RBMS1: variants seen among roughly 807,000 people sequenced by gnomAD.
The protein encoded by RBMS1 is RNA-binding motif, single-stranded-interacting protein 1.
Under a neutral mutation model 62.3 loss-of-function variants are expected in RBMS1, and 17 were observed. The observed-to-expected ratio is 0.27, with a 90% CI of 0.19 to 0.41. The LOEUF (loss-of-function observed/expected upper bound fraction) is 0.41. Ranked by LOEUF, RBMS1 falls within the 10% of genes least tolerant of loss-of-function variation. RBMS1 has a pLI of 1.00. For missense variants in RBMS1, 334 were observed against 504.5 expected (o/e 0.66, Z 3.24); for synonymous variants, 172 against 170.0 (o/e 1.01, Z -0.09).
intron 1 of RBMS1, among the ~76,000 whole-genome samples, chr2:160,479,687 GCTTCTGTCTCTA>G (rs1386522760): frequency 9.9e-5 from 15 of 152,124 alleles, no homozygotes; most frequent in African/African-American, 3.6e-4. Flanking sequence ...CTAGAGCTCT[GCTTCTGTCTCTA>G]CACTCTGGGT....
intron 1 of RBMS1, among the ~76,000 whole-genome samples, chr2:160,454,752 T>C (rs1418556964): frequency 1.3e-5 from 2 of 152,138 alleles, no homozygotes; most frequent in Non-Finnish European, 2.9e-5. Flanking sequence ...AGTAAGTCAC[T>C]AAGGGTTTTA....
chr2:160,472,280 A>C (rs1451637712), intron 1 of RBMS1, among the ~76,000 whole-genome samples: 1 of 152,220 alleles, frequency 6.6e-6, no homozygotes, highest in African/African-American at 2.4e-5. Context: ...GAAAACTTCA[A>C]TAAAAACCCA....
At chr2:160,367,166 G>T in intron 2 of RBMS1, 50 bp downstream of exon 2, 1 of 1,556,254 alleles carries the variant, frequency 6.4e-7, no homozygotes, top group South Asian at 1.1e-5. Context: ...TCTATAATAT[G>T]ATCAAGAAAA....
chr2:160,287,730 G>T (rs1266247140), intron 6 of RBMS1, among the ~76,000 whole-genome samples: 2 of 152,160 alleles, frequency 1.3e-5, no homozygotes, highest in African/African-American at 4.8e-5. Context: ...TTGCATCAGT[G>T]AATGAATAGA....
rs929526663 is a variant in RBMS1, at chr2:160,272,635, G to A, written c.*2137C>T. ...AATGCAAAAATATCAAGTAGTGAGA[G>A]ACCCAGGTTTATAACTGTACTAGGT... On this transcript the variant is annotated 3_prime_UTR_variant, in exon 14 of 14. Transcript: ENST00000348849. 1.6e-4 allele frequency: 24 copies of A among 152,082 alleles called. No homozygotes were observed. Among genetic ancestry groups the A allele is most frequent in the African/African-American group, 5.6e-4 (23 of 41,386 alleles). 9.4% of individuals were successfully genotyped at this position (152,082 alleles called of 1,614,324 possible). A position where few individuals can be genotyped will look rare whatever the true frequency, so the allele number is the denominator to read the frequency against.
chr2:160,394,108 C>T (rs1559496602), intron 1 of RBMS1, among the ~76,000 whole-genome samples: 1 of 152,218 alleles, frequency 6.6e-6, no homozygotes, highest in Non-Finnish European at 1.5e-5. Context: ...GACAGACTTC[C>T]ACCCACTTTT....
chr2:160,309,912 G>A (rs894555623), intron 4 of RBMS1, among the ~76,000 whole-genome samples: 5 of 152,142 alleles, frequency 3.3e-5, no homozygotes, highest in African/African-American at 9.7e-5. Flanking sequence ...ACCTAATCCA[G>A]GGAAGGGAGA....
intron 1 of RBMS1, chr2:160,407,700 A>C: frequency 1.0e-6 from 1 of 981,276 alleles, no homozygotes; most frequent in Non-Finnish European, 1.2e-6. Context: ...CTCCGCGCTG[A>C]CTTCCCCTCC....
intron 6 of RBMS1, among the ~76,000 whole-genome samples, chr2:160,299,166 T>A (rs1433923655): frequency 1.3e-5 from 2 of 151,854 alleles, no homozygotes; most frequent in African/African-American, 4.8e-5. Flanking sequence ...GAATGTCAGA[T>A]TGGAGAGAGT....
intron 6 of RBMS1, among the ~76,000 whole-genome samples, chr2:160,288,060 T>G (rs62175442): frequency 6.9e-6 from 1 of 145,650 alleles, no homozygotes; most frequent in Non-Finnish European, 1.5e-5. Context: ...AAAAAAAAAG[T>G]CTACAGACAG....
intron 1 of RBMS1, among the ~76,000 whole-genome samples, chr2:160,447,409 G>T (rs1377028664): frequency 6.6e-6 from 1 of 152,098 alleles, no homozygotes; most frequent in East Asian, 1.9e-4. Flanking sequence ...ATGAAACAGG[G>T]TTGCTAAATT....
rs1315446169 is a variant in RBMS1 at position 160,272,164 on chromosome 2, G to GT, written c.*2607dup. 1.3e-5 allele frequency: 2 copies of GT among 152,112 alleles called. No individual in the cohort carries two copies. Among genetic ancestry groups the GT allele is most frequent in the Non-Finnish European group, 2.9e-5 (2 of 68,010 alleles). 9.4% of individuals were successfully genotyped at this position (152,112 alleles called of 1,614,324 possible). A position where few individuals can be genotyped will look rare whatever the true frequency, so the allele number is the denominator to read the frequency against. ...TGACAGGAAAAATAAAATTTCAGAT[G>GT]TTTTTTATTCAAAGGTTCTCAAAAG... On this transcript the variant is annotated 3_prime_UTR_variant, in exon 14 of 14. Coordinates refer to ENST00000348849, the MANE Select transcript of RBMS1 (RefSeq NM_016836.4).
chr2:160,422,051 T>C (rs972962766), intron 1 of RBMS1, among the ~76,000 whole-genome samples: 1 of 152,240 alleles, frequency 6.6e-6, no homozygotes, highest in African/African-American at 2.4e-5. Flanking sequence ...TACTGGCTGT[T>C]AGCTACTTTC....
chr2:160,350,529 G>A (rs1035392702), intron 2 of RBMS1, among the ~76,000 whole-genome samples: 3 of 151,956 alleles, frequency 2.0e-5, no homozygotes, highest in Admixed American at 6.6e-5. Context: ...CCAAGGAAAC[G>A]CTGGTACTGT....
At chr2:160,472,106 T>G (rs1158907888) in intron 1 of RBMS1, among the ~76,000 whole-genome samples, 1 of 152,152 alleles carries the variant, frequency 6.6e-6, no homozygotes, top group African/African-American at 2.4e-5. Context: ...CAAAAACAGC[T>G]GGCGTCACTG....
intron 1 of RBMS1, among the ~76,000 whole-genome samples, chr2:160,370,373 G>A (rs1018330697): frequency 6.6e-6 from 1 of 152,160 alleles, no homozygotes; most frequent in African/African-American, 2.4e-5. Flanking sequence ...AGTGGCTCAC[G>A]CCTGTAATCC....
chr2:160,426,899 A>G (rs986090724), intron 1 of RBMS1, among the ~76,000 whole-genome samples: 2 of 152,218 alleles, frequency 1.3e-5, no homozygotes, highest in Non-Finnish European at 2.9e-5. Flanking sequence ...AAGGTCTTCA[A>G]GGCAACTTAG....
chr2:160,463,413 G>GT (rs1306358256), intron 1 of RBMS1, among the ~76,000 whole-genome samples: 3 of 152,202 alleles, frequency 2.0e-5, no homozygotes, highest in Admixed American at 6.5e-5. Context: ...TAATGATGTA[G>GT]TCTTTTCAAC....
At chr2:160,398,197 T>C (rs1002556206) in intron 1 of RBMS1, among the ~76,000 whole-genome samples, 4 of 152,202 alleles carry the variant, frequency 2.6e-5, no homozygotes, top group Non-Finnish European at 5.9e-5. Flanking sequence ...AACTCTTATT[T>C]TGGTAGGCTG....
Sources: allele counts gnomAD v4.1 joint callset (sites outside exome capture counted in the v4.1 genomes callset), GRCh38; gene constraint gnomAD v4.1.1; transcripts MANE v1.5; gene names NCBI Gene and HGNC (gene_info 2026-07-23, HGNC 2026-07-21).